Variants in PLXNC1 observed in about 807,000 individuals in gnomAD.
The protein encoded by PLXNC1 is plexin C1.
Under a neutral mutation model 178.2 loss-of-function variants are expected in PLXNC1, and 75 were observed. That is an observed-to-expected ratio of 0.42 (90% CI 0.35 to 0.51). The LOEUF is 0.51. PLXNC1 is among the 20% of genes least tolerant of loss of function. The pLI, the probability that PLXNC1 is intolerant of heterozygous loss-of-function variation, is 0.02. For synonymous variants in PLXNC1, 790 were observed against 779.9 expected (o/e 1.01, Z -0.22); for missense variants, 1,503 against 1,984.4 (o/e 0.76, Z 4.61).
intron 21 of PLXNC1, among the ~76,000 whole-genome samples, chr12:94,271,943 T>G (rs187322808): frequency 6.6e-6 from 1 of 152,294 alleles, no homozygotes; most frequent in East Asian, 1.9e-4. Context: ...TTAAAAATGT[T>G]ACATATGACC....
intron 1 of PLXNC1, among the ~76,000 whole-genome samples, chr12:94,165,355 G>A (rs1961571398): frequency 1.3e-5 from 2 of 152,170 alleles, no homozygotes; most frequent in African/African-American, 4.8e-5. Flanking sequence ...CCCATTCACA[G>A]GGACCTGTCC....
intron 22 of PLXNC1, chr12:94,279,958 A>G: frequency 4.3e-6 from 2 of 470,550 alleles, no homozygotes; most frequent in East Asian, 4.5e-5. Flanking sequence ...ACCTTGCATC[A>G]TGAAATACAG....
At position 94,149,733 on chromosome 12, in the gene PLXNC1, G is replaced by C. The variant is rs186062167; in HGVS notation, c.762G>C (p.Thr254=). 266 of 1,611,850 alleles carry C rather than the reference G, an allele frequency of 1.7e-4. 1 individual carries two copies. In the African/African-American group the frequency reaches 3.0e-3, roughly 18 times the overall value. The change falls in exon 1 of 31, where the codon ACG becomes ACC. Residue 254 remains threonine (T), a synonymous_variant. Coordinates refer to ENST00000258526, the MANE Select transcript of PLXNC1 (RefSeq NM_005761.3). ...IYFPYYPYNY[T]SGAATGWPSM... ...TCCCCTACTACCCCTACAACTACACGAGCGGCGCTGCCACCGGCTGGCCCA... is the reference window on the plus strand; with the variant it reads ...TCCCCTACTACCCCTACAACTACACCAGCGGCGCTGCCACCGGCTGGCCCA...
chr12:94,182,761 ATG>A (rs749171088), intron 3 of PLXNC1, among the ~76,000 whole-genome samples: 1 of 152,022 alleles, frequency 6.6e-6, no homozygotes, highest in Non-Finnish European at 1.5e-5. Context: ...AGAAAAAGAA[ATG>A]TGTTATTAAT....
intron 12 of PLXNC1, among the ~76,000 whole-genome samples, chr12:94,246,634 G>T (rs1964537244): frequency 6.6e-6 from 1 of 152,204 alleles, no homozygotes; most frequent in Admixed American, 6.5e-5. Flanking sequence ...TAATAGGGTT[G>T]GGTGATCCTC....
intron 5 of PLXNC1, among the ~76,000 whole-genome samples, chr12:94,214,436 G>A (rs905691973): frequency 5.9e-5 from 9 of 152,056 alleles, no homozygotes; most frequent in African/African-American, 1.2e-4. Flanking sequence ...TTCCACCATC[G>A]CTAATACTGT....
intron 4 of PLXNC1, among the ~76,000 whole-genome samples, chr12:94,187,194 A>AGAG (rs1301534152): frequency 0.038 from 5,556 of 147,112 alleles, 339 homozygotes; most frequent in African/African-American, 0.13. Flanking sequence ...GAGAGAGAGA[A>AGAG]AAAAAAACCC....
In PLXNC1 at chr12:94,149,174, T is replaced by G; in HGVS notation, c.203T>G (p.Leu68Arg). The G allele has an allele frequency of 6.3e-7, 1 of 1,590,632 alleles. No homozygotes were observed. The highest frequency in any genetic ancestry group is 8.5e-7 in the Non-Finnish European group (1 of 1,172,546). ...GCGAGCGGCAGCTGCCTGGACCAGCTGGACTACAGCCTGGAGCACAGCCTC... is the reference window on the plus strand; with the variant it reads ...GCGAGCGGCAGCTGCCTGGACCAGCGGGACTACAGCCTGGAGCACAGCCTC... ...FVASGSCLDQLDYSLEHSLSR... is the reference protein window; with the variant it reads ...FVASGSCLDQRDYSLEHSLSR... The change falls in exon 1 of 31, where the codon CTG becomes CGG. Residue 68 changes from leucine to arginine, a missense_variant. Around this residue, in one of 4 missense-constraint regions of PLXNC1, gnomAD observed 176 missense variants for 180.7 expected, o/e 0.97. Transcript: ENST00000258526.
At chr12:94,225,490 A>G (rs999634791) in intron 7 of PLXNC1, among the ~76,000 whole-genome samples, 4 of 152,222 alleles carry the variant, frequency 2.6e-5, no homozygotes, top group Non-Finnish European at 4.4e-5. Flanking sequence ...TTAAGGAGAA[A>G]AAAATACAAA....
intron 2 of PLXNC1, among the ~76,000 whole-genome samples, chr12:94,175,423 C>T (rs1282943682): frequency 1.3e-5 from 2 of 152,100 alleles, no homozygotes; most frequent in Admixed American, 1.3e-4. Flanking sequence ...TTTTTCTCCC[C>T]CCTCATTTTC....
chr12:94,242,642 G>GA lies in PLXNC1; in HGVS notation c.2301-1295dup, dbSNP rs139783331. 9.3e-3 allele frequency among the ~76,000 whole-genome samples: 1,419 copies of GA among 152,216 alleles called. 23 individuals are homozygous for GA. The highest frequency in any genetic ancestry group is 0.033 in the African/African-American group (1,372 of 41,526). Reference sequence around the variant, plus strand: ...GACACAGTTCAGTCCATAATAGTAAGATAAGGAGAACTGAAATTTCAAAAC... The same window carrying GA: ...GACACAGTTCAGTCCATAATAGTAAGAATAAGGAGAACTGAAATTTCAAAAC... On this transcript the variant is annotated intron_variant, in intron 11 of 30. Coordinates refer to ENST00000258526, the MANE Select transcript of PLXNC1 (RefSeq NM_005761.3).
Position 94,305,198 on chromosome 12 carries a change from AAG to A in PLXNC1, c.4624_4625del (p.Glu1542ThrfsTer18). ...YFDEILNKLE[R>X]ERGLEEAQKQ... Reference sequence around the variant, plus strand: ...GTCAACAGATTCTAAATAAACTAGAAAGAGAACGAGGGCTGGAAGAAGCTCAG... The same window carrying A: ...GTCAACAGATTCTAAATAAACTAGAAAGAACGAGGGCTGGAAGAAGCTCAG... On this transcript the variant is annotated frameshift_variant, in exon 31 of 31. Transcript: ENST00000258526. LOFTEE classifies it high-confidence loss of function. The A allele has an allele frequency of 6.2e-7, 1 of 1,607,238 alleles. No individual in the cohort carries two copies. The highest frequency in any genetic ancestry group is 8.5e-7 in the Non-Finnish European group (1 of 1,174,898).
rs1432157388 is a variant in PLXNC1, at chr12:94,294,546, C to T, written c.3934+6C>T. ...GATAGCAAATTTTACTTCAGGTAACCAATATAATATTGTTAACCTTTTGTT... is the reference window on the plus strand; with the variant it reads ...GATAGCAAATTTTACTTCAGGTAACTAATATAATATTGTTAACCTTTTGTT... On this transcript the variant is annotated splice_donor_region_variant and intron_variant, in intron 24 of 30. Coordinates refer to ENST00000258526, the MANE Select transcript of PLXNC1 (RefSeq NM_005761.3). The T allele has an allele frequency of 1.7e-6, 2 of 1,194,828 alleles. No homozygotes were observed. Among genetic ancestry groups the T allele is most frequent in the Admixed American group, 1.8e-5 (1 of 56,502 alleles). 74.0% of individuals were successfully genotyped at this position (1,194,828 alleles called of 1,614,324 possible).
At chr12:94,205,466 G>C (rs1474943174) in intron 4 of PLXNC1, among the ~76,000 whole-genome samples, 1 of 152,108 alleles carries the variant, frequency 6.6e-6, no homozygotes, top group African/African-American at 2.4e-5. Context: ...TGGATAAGTA[G>C]GTTTTGTGGG....
chr12:94,157,328 C>A (rs1020753478), intron 1 of PLXNC1, among the ~76,000 whole-genome samples: 1 of 152,116 alleles, frequency 6.6e-6, no homozygotes, highest in Non-Finnish European at 1.5e-5. Flanking sequence ...AATCTGCCTC[C>A]CTTAAAGTTT....
At chr12:94,224,587 G>A (rs1032871199) in intron 7 of PLXNC1, among the ~76,000 whole-genome samples, 1 of 152,150 alleles carries the variant, frequency 6.6e-6, no homozygotes, top group African/African-American at 2.4e-5. Flanking sequence ...CCAGGACCGA[G>A]AGGCAGCCTT....
intron 5 of PLXNC1, among the ~76,000 whole-genome samples, chr12:94,211,683 A>G (rs1314084867): frequency 6.6e-6 from 1 of 152,236 alleles, no homozygotes; most frequent in Non-Finnish European, 1.5e-5. Flanking sequence ...AAGATAGTAC[A>G]TCCTCATACT....
chr12:94,244,803 C>T (rs887362329), intron 12 of PLXNC1, among the ~76,000 whole-genome samples: 15 of 152,240 alleles, frequency 9.9e-5, no homozygotes, highest in Admixed American at 7.8e-4. Flanking sequence ...AGGCTGGACA[C>T]GGCTGCTCTA....
At position 94,169,377 on chromosome 12, in the gene PLXNC1, G is replaced by A. The variant is rs190297599; in HGVS notation, c.1203+84G>A. The A allele has an allele frequency of 8.4e-5, 101 of 1,207,338 alleles. No individual in the cohort carries two copies. The East Asian group carries it at 2.2e-3, about 26-fold the overall frequency. 74.8% of individuals were successfully genotyped at this position (1,207,338 alleles called of 1,614,324 possible). A position where few individuals can be genotyped will look rare whatever the true frequency, so the allele number is the denominator to read the frequency against. On this transcript the variant is annotated intron_variant, in intron 2 of 30. Transcript: ENST00000258526. The stretch of plus-strand genomic sequence containing the variant: ...AAAAACATTTTTTTAATGCTTCTGG[G>A]TTATACATGAGACCAAACCAAGAAC...
Sources: gnomAD v4.1 joint callset for allele counts (sites outside exome capture counted in the v4.1 genomes callset) on GRCh38, gnomAD v4.1.1 for gene constraint, gnomAD v4.1.1 regional missense constraint, MANE v1.5 for transcripts, NCBI Gene and HGNC (gene_info 2026-07-23, HGNC 2026-07-21) for gene names.